CDH13: variants seen among roughly 807,000 people sequenced by gnomAD.
CDH13 encodes the protein cadherin 13.
CDH13 carries 24 observed loss-of-function variants against 63.8 expected under a neutral mutation model. That is an observed-to-expected ratio of 0.38 (90% CI 0.27 to 0.53). The LOEUF is 0.53. CDH13 is among the 20% of genes least tolerant of loss of function. The pLI is 0.85. For missense variants in CDH13, 1,049 were observed against 903.1 expected, an observed-to-expected ratio of 1.16 and a Z score of -2.07; for synonymous variants, 503 against 355.3, an observed-to-expected ratio of 1.42 and a Z score of -4.67.
intron 1 of CDH13, among the ~76,000 whole-genome samples, chr16:82,809,362 C>G (rs1057469702): frequency 3.3e-5 from 5 of 151,922 alleles, no homozygotes; most frequent in Non-Finnish European, 5.9e-5. Flanking sequence ...TAGCCTTGCC[C>G]TGTGCTGTGC....
intron 1 of CDH13, among the ~76,000 whole-genome samples, chr16:82,665,749 C>A (rs1010068804): frequency 4.0e-5 from 6 of 151,856 alleles, no homozygotes; most frequent in African/African-American, 1.5e-4. Flanking sequence ...GAACTGACAC[C>A]CTGTAAATTG....
intron 11 of CDH13, among the ~76,000 whole-genome samples, chr16:83,776,951 C>T (rs247404): frequency 0.24 from 33,039 of 138,888 alleles, 3,729 homozygotes; most frequent in African/African-American, 0.27. Flanking sequence ...TGGGCACTTC[C>T]GCCAAGCTGC....
chr16:83,722,545 G>A (rs1909834226), intron 10 of CDH13, among the ~76,000 whole-genome samples: 1 of 152,194 alleles, frequency 6.6e-6, no homozygotes, highest in African/African-American at 2.4e-5. Flanking sequence ...CCCACCTCCA[G>A]AGAATCAGAT....
intron 3 of CDH13, among the ~76,000 whole-genome samples, chr16:83,067,817 C>T (rs9923246): frequency 0.28 from 42,029 of 151,948 alleles, 8,942 homozygotes; most frequent in African/African-American, 0.59. Context: ...CTGTTCCTGC[C>T]CCTCTCTTCT....
chr16:82,685,439 C>T (rs1348426034), intron 1 of CDH13, among the ~76,000 whole-genome samples: 1 of 152,212 alleles, frequency 6.6e-6, no homozygotes, highest in South Asian at 2.1e-4. Context: ...GCCCTGCCTC[C>T]TAACACTATC....
intron 6 of CDH13, among the ~76,000 whole-genome samples, chr16:83,472,705 A>AT (rs968048184): frequency 3.1e-4 from 47 of 152,324 alleles, no homozygotes; most frequent in African/African-American, 1.1e-3. Flanking sequence ...AAATGAACAC[A>AT]TGGGGAAGAG....
At chr16:83,636,304 C>G (rs1030791257) in intron 8 of CDH13, among the ~76,000 whole-genome samples, 5 of 151,796 alleles carry the variant, frequency 3.3e-5, no homozygotes, top group African/African-American at 1.2e-4. Context: ...CATTTTTTTT[C>G]CTTTTTCGAC....
chr16:83,011,623 C>A (rs1291321927), intron 2 of CDH13, among the ~76,000 whole-genome samples: 1 of 152,196 alleles, frequency 6.6e-6, no homozygotes, highest in East Asian at 1.9e-4. Flanking sequence ...ACACACATAT[C>A]ACTGAGCAAG....
chr16:82,694,289 CAG>C (rs1230188389), intron 1 of CDH13, among the ~76,000 whole-genome samples: 1 of 152,154 alleles, frequency 6.6e-6, no homozygotes, highest in Non-Finnish European at 1.5e-5. Context: ...TGAGATTGAA[CAG>C]AGTTATTTGA....
rs78705125 is a variant in CDH13, at chr16:83,616,576, A to G, written c.1101+13982A>G. Among the ~76,000 whole-genome samples the G allele has an allele frequency of 6.8e-3, 1,035 of 152,190 alleles. 12 individuals are homozygous for G. Among genetic ancestry groups the G allele is most frequent in the African/African-American group, 0.023 (971 of 41,502 alleles). On this transcript the variant is annotated intron_variant, in intron 8 of 13. Coordinates refer to ENST00000567109, the MANE Select transcript of CDH13 (RefSeq NM_001257.5). Reference sequence around the variant, plus strand: ...CCTTCTATTCAAAGATAATATCCTCATACTAAGAGCAACAACCACAAAGCC... The same window carrying G: ...CCTTCTATTCAAAGATAATATCCTCGTACTAAGAGCAACAACCACAAAGCC...
chr16:82,643,777 C>T (rs1368110953), intron 1 of CDH13, among the ~76,000 whole-genome samples: 2 of 152,148 alleles, frequency 1.3e-5, no homozygotes, highest in Admixed American at 6.5e-5. Context: ...GGGTCTTTCT[C>T]TGTTGCCCAG....
intron 10 of CDH13, chr16:83,739,826 C>G (rs1911894851): frequency 6.6e-6 from 1 of 152,178 alleles, no homozygotes; most frequent in South Asian, 2.1e-4. Context: ...CAACTGAGTA[C>G]CTACCCACTC....
intron 1 of CDH13, among the ~76,000 whole-genome samples, chr16:82,772,501 C>G (rs900613297): frequency 6.6e-6 from 1 of 152,128 alleles, no homozygotes; most frequent in African/African-American, 2.4e-5. Flanking sequence ...TGCTGGATTT[C>G]AGAGCAAGGT....
chr16:83,435,609 C>T (rs968467760), intron 6 of CDH13, among the ~76,000 whole-genome samples: 1 of 152,168 alleles, frequency 6.6e-6, no homozygotes, highest in Non-Finnish European at 1.5e-5. Flanking sequence ...ATCTCAGGGT[C>T]TTTGTTCATA....
At chr16:83,719,208 T>C (rs1909351275) in intron 10 of CDH13, among the ~76,000 whole-genome samples, 1 of 152,190 alleles carries the variant, frequency 6.6e-6, no homozygotes, top group Non-Finnish European at 1.5e-5. Flanking sequence ...ACAATGACAT[T>C]TGATTCCAGA....
At chr16:83,636,150 G>C (rs968834627) in intron 8 of CDH13, among the ~76,000 whole-genome samples, 3 of 150,848 alleles carry the variant, frequency 2.0e-5, no homozygotes, top group African/African-American at 7.3e-5. Context: ...GGTCTATTCC[G>C]TGTCCTCCGT....
chr16:83,236,906 T>C (rs1331576225), intron 5 of CDH13, among the ~76,000 whole-genome samples: 1 of 151,928 alleles, frequency 6.6e-6, no homozygotes, highest in Non-Finnish European at 1.5e-5. Flanking sequence ...TTCTACAACA[T>C]CATGAGTACA....
At chr16:83,419,481 C>G (rs979450773) in intron 6 of CDH13, among the ~76,000 whole-genome samples, 1 of 152,136 alleles carries the variant, frequency 6.6e-6, no homozygotes, top group African/African-American at 2.4e-5. Flanking sequence ...CTTTTACATC[C>G]TTAGATCAGG....
chr16:82,710,222 T>C (rs2031805249), intron 1 of CDH13, among the ~76,000 whole-genome samples: 1 of 146,818 alleles, frequency 6.8e-6, no homozygotes, highest in African/African-American at 2.5e-5. Flanking sequence ...TTTATATTTA[T>C]ATTCATAAAT....
Sources: allele counts gnomAD v4.1 joint callset (sites outside exome capture counted in the v4.1 genomes callset), GRCh38; gene constraint gnomAD v4.1.1; transcripts MANE v1.5; gene names NCBI Gene and HGNC (gene_info 2026-07-23, HGNC 2026-07-21).